Variants in UBE2V2 observed in about 807,000 individuals in gnomAD.
The protein encoded by UBE2V2 is ubiquitin-conjugating enzyme E2 variant 2.
UBE2V2 carries 9 observed loss-of-function variants against 17.2 expected under a neutral mutation model. That is an observed-to-expected ratio of 0.52 (90% CI 0.32 to 0.91). The LOEUF is 0.91. Among genes scored for constraint, UBE2V2 ranks in the 40% least tolerant of loss-of-function variants. The pLI, the probability that UBE2V2 is intolerant of heterozygous loss-of-function variation, is 0.04. For synonymous variants in UBE2V2, 61 were observed against 57.5 expected (o/e 1.06, Z -0.28); for missense variants, 133 against 182.6 (o/e 0.73, Z 1.56).
At chr8:48,025,407 G>T (rs973772076) in intron 1 of UBE2V2, among the ~76,000 whole-genome samples, 1 of 151,458 alleles carries the variant, frequency 6.6e-6, no homozygotes, top group Non-Finnish European at 1.5e-5. Flanking sequence ...GGGATTACAG[G>T]TGTGCACCAC....
chr8:48,049,693 TATAGGTGAA>T (rs2091522152), intron 2 of UBE2V2, 151 bp from the exon 3 acceptor site: 1 of 581,050 alleles, frequency 1.7e-6, no homozygotes, highest in Non-Finnish European at 2.8e-6. Context: ...TTTCTCACCA[TATAGGTGAA>T]ATAAATTTGA....
chr8:48,064,549 T>A lies in UBE2V2; in HGVS notation c.*3721T>A, dbSNP rs971585270. On this transcript the variant is annotated 3_prime_UTR_variant, in exon 4 of 4. Coordinates refer to ENST00000523111, the MANE Select transcript of UBE2V2 (RefSeq NM_003350.3). ...GATGAAATCTTACCATAGTTCATAC[T>A]GAAAATGTTGTTTATTTAAAAGTAT... 1 of 152,224 alleles carries A rather than the reference T, an allele frequency of 6.6e-6. No individual in the cohort carries two copies. The highest frequency in any genetic ancestry group is 6.5e-5 in the Admixed American group (1 of 15,280). 9.4% of individuals were successfully genotyped at this position (152,224 alleles called of 1,614,324 possible). A position where few individuals can be genotyped will look rare whatever the true frequency, so the allele number is the denominator to read the frequency against.
chr8:48,051,515 A>G (rs1383487152), intron 3 of UBE2V2, among the ~76,000 whole-genome samples: 1 of 152,024 alleles, frequency 6.6e-6, no homozygotes. Context: ...TCTGTTTACC[A>G]TCTGTTAAAA....
chr8:48,057,002 A>C (rs1053902545), intron 3 of UBE2V2, among the ~76,000 whole-genome samples: 2 of 152,218 alleles, frequency 1.3e-5, no homozygotes, highest in African/African-American at 4.8e-5. Flanking sequence ...CTGGGGTTAC[A>C]GGAGTGAGCC....
intron 1 of UBE2V2, among the ~76,000 whole-genome samples, chr8:48,019,685 C>A (rs577699859): frequency 6.3e-4 from 93 of 147,718 alleles, no homozygotes; most frequent in African/African-American, 2.3e-3. Flanking sequence ...CGTGGTGGCA[C>A]ATGCCTGTAA....
upstream of UBE2V2, among the ~76,000 whole-genome samples, chr8:48,004,740 A>G (rs980754244): frequency 6.6e-6 from 1 of 151,902 alleles, no homozygotes; most frequent in Admixed American, 6.6e-5. Flanking sequence ...CATTTTGGCC[A>G]GGCTGGTATT....
chr8:48,011,709 T>A (rs753067546), intron 1 of UBE2V2, among the ~76,000 whole-genome samples: 8 of 152,176 alleles, frequency 5.3e-5, no homozygotes, highest in Non-Finnish European at 1.2e-4. Context: ...TGGAATGCAG[T>A]GGCATGCGAT....
In UBE2V2 at chr8:48,063,034, T is replaced by C. The variant is rs1802619091; in HGVS notation, c.*2206T>C. ...TCCATTTTGAAAATGTGTCTTATTA[T>C]ACATGGAAGCTAGTAACTACGTGAA... On this transcript the variant is annotated 3_prime_UTR_variant, in exon 4 of 4. Coordinates refer to ENST00000523111, the MANE Select transcript of UBE2V2 (RefSeq NM_003350.3). The C allele has an allele frequency of 1.3e-5, 2 of 152,244 alleles. No individual in the cohort carries two copies. The highest frequency in any genetic ancestry group is 1.9e-4 in the East Asian group (1 of 5,200). The allele number at this position is 152,244 out of a possible 1,614,324, so 9.4% of individuals were successfully genotyped here. A position where few individuals can be genotyped will look rare whatever the true frequency, so the allele number is the denominator to read the frequency against.
chr8:48,000,876 A>T, the UBE2V2 span, among the ~76,000 whole-genome samples: 1 of 150,478 alleles, frequency 6.6e-6, no homozygotes, highest in Non-Finnish European at 1.5e-5. Flanking sequence ...CTATGAATTC[A>T]TGTAGAAGAG....
the UBE2V2 span, among the ~76,000 whole-genome samples, chr8:48,001,649 C>A: frequency 1.8e-4 from 28 of 152,164 alleles, 3 homozygotes; most frequent in African/African-American, 6.5e-4. Context: ...AGCTTTGAAG[C>A]CAAGTGAAAA....
intron 1 of UBE2V2, among the ~76,000 whole-genome samples, chr8:48,033,031 T>G (rs995177697): frequency 1.3e-5 from 2 of 152,026 alleles, no homozygotes; most frequent in African/African-American, 4.8e-5. Flanking sequence ...GAGGATGCCT[T>G]GAAAGGAGCA....
intron 1 of UBE2V2, among the ~76,000 whole-genome samples, chr8:48,009,267 C>CTTTTTTTTTTTTTTTTTTT (rs143794770): frequency 7.5e-6 from 1 of 133,804 alleles, no homozygotes; most frequent in Non-Finnish European, 1.6e-5. Flanking sequence ...CTTTTCTTTT[C>CTTTTTTTTTTTTTTTTTTT]TTTTTTTTTT....
At position 48,043,199 on chromosome 8, in the gene UBE2V2, T is replaced by C. The variant is rs2091476016; in HGVS notation, c.165+18T>C. 2.8e-6 allele frequency: 4 copies of C among 1,434,712 alleles called. No individual in the cohort carries two copies. The highest frequency in any genetic ancestry group is 3.7e-6 in the Non-Finnish European group (4 of 1,084,214). The allele number at this position is 1,434,712 out of a possible 1,614,324, so 88.9% of individuals were successfully genotyped here. ...CACCAAGGGTCAGTGTTATAAATTA[T>C]ATTTTTTCTATTAATACTTATTGTT... On this transcript the variant is annotated intron_variant, in intron 2 of 3. Transcript: ENST00000523111.
chr8:48,014,907 G>A (rs983833972), intron 1 of UBE2V2, among the ~76,000 whole-genome samples: 12 of 151,444 alleles, frequency 7.9e-5, no homozygotes, highest in African/African-American at 2.9e-4. Flanking sequence ...AAAACTAGCC[G>A]GGCGTGGTGA....
At chr8:48,042,393 A>C (rs2091469294) in intron 1 of UBE2V2, 1 of 152,212 alleles carries the variant, frequency 6.6e-6, no homozygotes, top group Non-Finnish European at 1.5e-5. Flanking sequence ...CTGAAAGCCA[A>C]GTCAGTTGTT....
chr8:48,037,595 T>C (rs2091433448), intron 1 of UBE2V2, among the ~76,000 whole-genome samples: 1 of 152,198 alleles, frequency 6.6e-6, no homozygotes, highest in African/African-American at 2.4e-5. Flanking sequence ...CGCTTCTCCT[T>C]CTCTAATTGT....
upstream of UBE2V2, among the ~76,000 whole-genome samples, chr8:48,004,349 A>G (rs1420904357): frequency 6.6e-6 from 1 of 152,124 alleles, no homozygotes; most frequent in Non-Finnish European, 1.5e-5. Context: ...TAATAATTTG[A>G]TGATAATATT....
At chr8:48,057,458 C>T (rs935998434) in intron 3 of UBE2V2, among the ~76,000 whole-genome samples, 5 of 152,060 alleles carry the variant, frequency 3.3e-5, no homozygotes, top group Non-Finnish European at 5.9e-5. Context: ...TGTACCACCA[C>T]GCCCGGCTAA....
rs1802629801 is a variant in UBE2V2, at chr8:48,063,987, G to A, written c.*3159G>A. On this transcript the variant is annotated 3_prime_UTR_variant, in exon 4 of 4. Coordinates refer to ENST00000523111, the MANE Select transcript of UBE2V2 (RefSeq NM_003350.3). ...TGAATGCTTTTTTCTTAATAGGTTTGGTGTGTGTGGCTTTGAATGGTTCTG... is the reference window on the plus strand; with the variant it reads ...TGAATGCTTTTTTCTTAATAGGTTTAGTGTGTGTGGCTTTGAATGGTTCTG... 6.6e-6 allele frequency: 1 copy of A among 152,144 alleles called. No homozygotes were observed. The highest frequency in any genetic ancestry group is 2.4e-5 in the African/African-American group (1 of 41,428). The allele number at this position is 152,144 out of a possible 1,614,324, so 9.4% of individuals were successfully genotyped here.
Sources: allele counts gnomAD v4.1 joint callset (sites outside exome capture counted in the v4.1 genomes callset), GRCh38; gene constraint gnomAD v4.1.1; transcripts MANE v1.5; gene names NCBI Gene and HGNC (gene_info 2026-07-23, HGNC 2026-07-21).